Variants in LILRB4 observed in about 807,000 individuals in gnomAD.
The protein encoded by LILRB4 is leukocyte immunoglobulin-like receptor subfamily B member 4.
A neutral mutation model predicts 55.2 loss-of-function variants in LILRB4; 49 were observed. The ratio of observed to expected loss-of-function variants is 0.89; its 90% CI spans 0.71 to 1.13. The LOEUF (loss-of-function observed/expected upper bound fraction) is 1.13, where lower values mean the gene tolerates loss of function less well. LILRB4 is among the 50% of genes most tolerant of loss of function. LILRB4 has a pLI of 0.00. For synonymous variants in LILRB4, 229 were observed against 213.8 expected (o/e 1.07, Z -0.62); for missense variants, 590 against 555.2 (o/e 1.06, Z -0.63).
Position 54,666,820 on chromosome 19 carries a change from G to C in LILRB4, c.1041+71G>C. The C allele has an allele frequency of 2.1e-6, 3 of 1,421,042 alleles. No individual in the cohort carries two copies. Among genetic ancestry groups the C allele is most frequent in the Middle Eastern group, 4.2e-4 (2 of 4,742 alleles). 88.0% of individuals were successfully genotyped at this position (1,421,042 alleles called of 1,614,324 possible). A position where few individuals can be genotyped will look rare whatever the true frequency, so the allele number is the denominator to read the frequency against. On this transcript the variant is annotated intron_variant, in intron 10 of 11. Coordinates refer to ENST00000430952, the Ensembl canonical transcript of LILRB4. The surrounding 1 kb of genome is among the most constrained non-coding windows in gnomAD (Gnocchi z 4.8). ...AGATCTAATCCTGCAGGACTTCTCT[G>C]TCCTCCTTCCCCCGGCTCTCAGCAT... is the stretch of plus-strand genomic sequence containing the variant.
exon 12 of LILRB4, chr19:54,668,366 A>T (rs2065390897): frequency 4.3e-6 from 1 of 231,998 alleles, no homozygotes; most frequent in Admixed American, 5.0e-5. Flanking sequence ...ATAGAGAAAA[A>T]TTAATAAAGT....
rs914931411 is a variant in LILRB4, at chr19:54,665,424, C to T, written c.757+244C>T. Reference sequence around the variant, plus strand: ...AGGGAACCTCCCAGACCCGATTCCGCAGGGGCCTGTCCGGTCCCACCTGCA... The same window carrying T: ...AGGGAACCTCCCAGACCCGATTCCGTAGGGGCCTGTCCGGTCCCACCTGCA... On this transcript the variant is annotated intron_variant, in intron 6 of 11. Transcript: ENST00000430952. This position sits in a 1 kb window ranked among gnomAD's most constrained non-coding sequence, Gnocchi z 5.5. Among the ~76,000 whole-genome samples the T allele has an allele frequency of 2.7e-4, 41 of 152,122 alleles. No homozygotes were observed. Among genetic ancestry groups the T allele is most frequent in the African/African-American group, 9.4e-4 (39 of 41,518 alleles).
chr19:54,666,111 T>G lies in LILRB4; in HGVS notation c.875-129T>G. 7.9e-7 allele frequency: 1 copy of G among 1,261,766 alleles called. No individual in the cohort carries two copies. Among genetic ancestry groups the G allele is most frequent in the South Asian group, 1.5e-5 (1 of 68,136 alleles). The allele number at this position is 1,261,766 out of a possible 1,614,324, so 78.2% of individuals were successfully genotyped here. On this transcript the variant is annotated intron_variant, in intron 7 of 11. Coordinates refer to ENST00000430952, the Ensembl canonical transcript of LILRB4. This position sits in a 1 kb window ranked among gnomAD's most constrained non-coding sequence, Gnocchi z 4.8. The stretch of plus-strand genomic sequence containing the variant: ...GGAAGTGCTTTATTCTTTCGGTTTT[T>G]CTAAACTTAGAAAGTATTTAAAACA...
intron 1 of LILRB4, 123 bp from the exon 2 acceptor site, chr19:54,663,409 G>T (rs1377014642): frequency 2.9e-6 from 4 of 1,367,636 alleles, no homozygotes; most frequent in Non-Finnish European, 3.9e-6. Flanking sequence ...TCGCACCACC[G>T]CACTCCAGCC....
rs11574569 is a variant in LILRB4, at chr19:54,663,423, G to A, written c.35-109G>A. 4,164 of 1,304,132 alleles carry A rather than the reference G, an allele frequency of 3.2e-3. 107 individuals are homozygous for A. In the African/African-American group the frequency reaches 0.067, roughly 21 times the overall value. 80.8% of individuals were successfully genotyped at this position (1,304,132 alleles called of 1,614,324 possible). A position where few individuals can be genotyped will look rare whatever the true frequency, so the allele number is the denominator to read the frequency against. On this transcript the variant is annotated intron_variant, in intron 1 of 11. Transcript: ENST00000430952. ...ATCGCACCACCGCACTCCAGCCTGG[G>A]TGACAGCGAGACTCCGTCTCAAAAA... is the stretch of plus-strand genomic sequence containing the variant.
chr19:54,666,226 C>A lies in LILRB4; in HGVS notation c.875-14C>A. 2 of 1,576,972 alleles carry A rather than the reference C, an allele frequency of 1.3e-6. No homozygotes were observed. Among genetic ancestry groups the A allele is most frequent in the East Asian group, 2.2e-5 (1 of 44,696 alleles). On this transcript the variant is annotated splice_polypyrimidine_tract_variant and intron_variant, in intron 7 of 11. Coordinates refer to ENST00000430952, the Ensembl canonical transcript of LILRB4. This position sits in a 1 kb window ranked among gnomAD's most constrained non-coding sequence, Gnocchi z 4.8. Reference sequence around the variant, plus strand: ...AACGTTCCCAGAGCTGAGACTCTGTCCATCTTCCCCCAGCCCAGAGACAGG... The same window carrying A: ...AACGTTCCCAGAGCTGAGACTCTGTACATCTTCCCCCAGCCCAGAGACAGG...
rs534195835 is a variant in LILRB4, at chr19:54,663,193, T to A, written c.34+126T>A. On this transcript the variant is annotated intron_variant, in intron 1 of 11. Transcript: ENST00000430952. ...CGGGCGCGGTGGCTCACGCCTGTAA[T>A]CCCAGCACTTTGGGAGGCCGAGGCG... 3.6e-6 allele frequency: 4 copies of A among 1,112,030 alleles called. No homozygotes were observed. The African/African-American group carries it at 6.3e-5, about 18-fold the overall frequency. The allele number at this position is 1,112,030 out of a possible 1,614,324, so 68.9% of individuals were successfully genotyped here.
chr19:54,663,041 C>T (rs371785653), exon 1 of LILRB4: 28 of 1,613,852 alleles, frequency 1.7e-5, no homozygotes, highest in Non-Finnish European at 2.4e-5. Context: ...GCCATGATCC[C>T]CACCTTCACG....
intron 2 of LILRB4, 38 bp from the exon 3 acceptor site, chr19:54,663,716 A>T: frequency 1.2e-6 from 2 of 1,611,694 alleles, no homozygotes; most frequent in Non-Finnish European, 1.7e-6. Context: ...CTGAGGGCTG[A>T]GGAAGGTCTT....
rs776692284 is a variant in LILRB4, at chr19:54,666,660, C to T, written c.989-37C>T. On this transcript the variant is annotated intron_variant, in intron 9 of 11. Transcript: ENST00000430952. The surrounding 1 kb of genome is among the most constrained non-coding windows in gnomAD (Gnocchi z 4.8). ...GCAGGAATGAGAGGTCCCAGGGAAC[C>T]TTCCCAGGAGATGAACCCCTTGCTC... is the stretch of plus-strand genomic sequence containing the variant. 6.2e-7 allele frequency: 1 copy of T among 1,601,982 alleles called. No individual in the cohort carries two copies. The highest frequency in any genetic ancestry group is 8.5e-7 in the Non-Finnish European group (1 of 1,169,806).
At chr19:54,667,104 C>A (rs1017366410) in intron 10 of LILRB4, 98 of 604,326 alleles carry the variant, frequency 1.6e-4, no homozygotes, top group Non-Finnish European at 2.2e-4. Context: ...GGATGGGGCT[C>A]CCCATGGGAG....
chr19:54,663,905 A>C, exon 3 of LILRB4: 6 of 1,614,114 alleles, frequency 3.7e-6, no homozygotes, highest in Non-Finnish European at 4.2e-6. Context: ...GACAGAACCC[A>C]CTGGAGCCCA....
rs1599930528 is a variant in LILRB4, at chr19:54,666,641, A to C, written c.989-56A>C. ...GGGAACAGGGCAGGGACCAGCAGGA[A>C]TGAGAGGTCCCAGGGAACCTTCCCA... On this transcript the variant is annotated intron_variant, in intron 9 of 11. Coordinates refer to ENST00000430952, the Ensembl canonical transcript of LILRB4. The surrounding 1 kb of genome is among the most constrained non-coding windows in gnomAD (Gnocchi z 4.8). 1.3e-6 allele frequency: 2 copies of C among 1,565,546 alleles called. No homozygotes were observed. The highest frequency in any genetic ancestry group is 1.1e-5 in the South Asian group (1 of 88,414).
At chr19:54,667,249 G>C (rs2065322789) in intron 10 of LILRB4, 1 of 579,028 alleles carries the variant, frequency 1.7e-6, no homozygotes, top group Admixed American at 2.2e-5. Context: ...AAAGGGCAGA[G>C]AGTGTGGGGC....
At chr19:54,664,432 T>C in exon 4 of LILRB4, 1 of 1,598,698 alleles carries the variant, frequency 6.3e-7, no homozygotes, top group African/African-American at 1.4e-5. Flanking sequence ...TCACACGGCT[T>C]CTCCCACTAC....
chr19:54,664,596 C>A, intron 4 of LILRB4, 111 bp downstream of exon 4: 1 of 1,237,086 alleles, frequency 8.1e-7, no homozygotes, highest in Non-Finnish European at 1.1e-6. Context: ...GTGGGGGACT[C>A]AGCCCTCAGA....
At chr19:54,664,833 G>A (rs760855262) in exon 5 of LILRB4, 3 of 1,610,962 alleles carry the variant, frequency 1.9e-6, no homozygotes, top group Non-Finnish European at 2.5e-6. Context: ...CACCCACAAG[G>A]TCCGTCTCAA....
exon 11 of LILRB4, chr19:54,667,721 C>G (rs11574590): frequency 6.3e-6 from 10 of 1,595,000 alleles, no homozygotes; most frequent in Non-Finnish European, 8.5e-6. Context: ...CCTCTCCTCC[C>G]TCCCCACTGT....
In LILRB4 at chr19:54,665,053, G is replaced by A. The variant is rs753323258; in HGVS notation, c.707-77G>A. The A allele has an allele frequency of 9.6e-6, 15 of 1,562,064 alleles. 1 individual carries two copies. The highest frequency in any genetic ancestry group is 2.3e-5 in the South Asian group (2 of 88,768). ...GAGGGGTGAGGGGGTCAAGGCTGAA[G>A]GAGATGTTGCGGGGAGAAGCCGAGC... On this transcript the variant is annotated intron_variant, in intron 5 of 11. Transcript: ENST00000430952. This position sits in a 1 kb window ranked among gnomAD's most constrained non-coding sequence, Gnocchi z 5.5.
Sources: gnomAD v4.1 joint callset for allele counts (sites outside exome capture counted in the v4.1 genomes callset) on GRCh38, gnomAD v4.1.1 for gene constraint, Gnocchi (gnomAD v3.1) non-coding constraint, MANE v1.5 for transcripts, NCBI Gene and HGNC (gene_info 2026-07-23, HGNC 2026-07-21) for gene names.